Variants in PLD5 observed in about 807,000 individuals in gnomAD.
PLD5 encodes the protein inactive phospholipase D5.
In PLD5, 36 loss-of-function variants were observed where a neutral mutation model predicts 61.1. The ratio of observed to expected loss-of-function variants is 0.59; its 90% CI spans 0.45 to 0.78. The LOEUF (loss-of-function observed/expected upper bound fraction) is 0.78, where lower values mean the gene tolerates loss of function less well. Among genes scored for constraint, PLD5 ranks in the 30% least tolerant of loss-of-function variants. The pLI is 0.00. For missense variants in PLD5, 515 were observed against 644.4 expected, an observed-to-expected ratio of 0.80 and a Z score of 2.17; for synonymous variants, 243 against 242.8, an observed-to-expected ratio of 1.00 and a Z score of -0.01.
At chr1:242,447,042 A>G (rs1014946113) in intron 1 of PLD5, among the ~76,000 whole-genome samples, 1 of 152,222 alleles carries the variant, frequency 6.6e-6, no homozygotes, top group Non-Finnish European at 1.5e-5. Flanking sequence ...TTTAAAAGCA[A>G]GAATGGGGAT....
At chr1:242,123,932 A>C (rs1662581748) in intron 6 of PLD5, among the ~76,000 whole-genome samples, 1 of 152,194 alleles carries the variant, frequency 6.6e-6, no homozygotes, top group African/African-American at 2.4e-5. Context: ...TGCAAGGAGC[A>C]CTGTCCTGTT....
intron 1 of PLD5, among the ~76,000 whole-genome samples, chr1:242,506,585 C>G (rs1204850190): frequency 3.9e-5 from 6 of 152,172 alleles, no homozygotes; most frequent in Non-Finnish European, 7.3e-5. Context: ...AGAGGGGCAA[C>G]AGTGAGAAAG....
At chr1:242,295,397 A>G (rs1333493681) in intron 2 of PLD5, among the ~76,000 whole-genome samples, 3 of 152,126 alleles carry the variant, frequency 2.0e-5, no homozygotes, top group East Asian at 3.9e-4. Context: ...GCAGTATTCA[A>G]TTTTCTGTTT....
intron 3 of PLD5, among the ~76,000 whole-genome samples, chr1:242,269,195 A>T (rs1310973214): frequency 6.6e-6 from 1 of 152,172 alleles, no homozygotes; most frequent in Non-Finnish European, 1.5e-5. Flanking sequence ...GCTTTTAAAC[A>T]TCACCAATAT....
intron 1 of PLD5, among the ~76,000 whole-genome samples, chr1:242,386,884 G>T (rs1476805740): frequency 5.3e-5 from 8 of 152,172 alleles, no homozygotes; most frequent in Admixed American, 4.6e-4. Context: ...AGTAGAGGAA[G>T]CATCATGTTG....
rs568050835 is a variant in PLD5 at position 242,283,752 on chromosome 1, A to T, written c.495+4610T>A. Among the ~76,000 whole-genome samples the T allele has an allele frequency of 1.3e-4, 20 of 152,224 alleles. No individual in the cohort carries two copies. The South Asian group carries it at 2.7e-3, about 21-fold the overall frequency. On this transcript the variant is annotated intron_variant, in intron 3 of 9. Coordinates refer to ENST00000536534, the MANE Select transcript of PLD5 (RefSeq NM_001372062.1). Reference sequence around the variant, plus strand: ...AATGAGAGACTATCTGCCAATATTTATAGGGTCTTGGTAAAGATAAAAGGG... The same window carrying T: ...AATGAGAGACTATCTGCCAATATTTTTAGGGTCTTGGTAAAGATAAAAGGG...
At chr1:242,272,544 T>C (rs1277587483) in intron 3 of PLD5, among the ~76,000 whole-genome samples, 2 of 152,174 alleles carry the variant, frequency 1.3e-5, no homozygotes, top group Non-Finnish European at 1.5e-5. Flanking sequence ...TAGGCTTCAT[T>C]CTCAGCTCAC....
At chr1:242,193,786 G>A (rs1474034118) in intron 5 of PLD5, among the ~76,000 whole-genome samples, 1 of 152,222 alleles carries the variant, frequency 6.6e-6, no homozygotes, top group African/African-American at 2.4e-5. Context: ...GACCCCAGGA[G>A]TCATAATGGC....
At chr1:242,522,196 A>T (rs1669302061) in intron 1 of PLD5, among the ~76,000 whole-genome samples, 1 of 152,240 alleles carries the variant, frequency 6.6e-6, no homozygotes. Flanking sequence ...ACACTGATTT[A>T]AATATCAAAT....
intron 2 of PLD5, among the ~76,000 whole-genome samples, chr1:242,325,720 G>A (rs1658730767): frequency 6.6e-6 from 1 of 152,030 alleles, no homozygotes; most frequent in South Asian, 2.1e-4. Flanking sequence ...GACCTCGAGG[G>A]CTTTTTTTAC....
chr1:242,236,417 T>C (rs541128903), intron 4 of PLD5, among the ~76,000 whole-genome samples: 2 of 152,332 alleles, frequency 1.3e-5, no homozygotes, highest in African/African-American at 4.8e-5. Flanking sequence ...CACAAGTTTT[T>C]CATTTAGCCT....
chr1:242,474,766 C>T (rs569534234), intron 1 of PLD5, among the ~76,000 whole-genome samples: 4 of 152,190 alleles, frequency 2.6e-5, no homozygotes, highest in South Asian at 4.1e-4. Context: ...ATCACATAGG[C>T]GCCCCTGCAT....
chr1:242,394,361 T>C (rs1663242296), intron 1 of PLD5, among the ~76,000 whole-genome samples: 1 of 71,638 alleles, frequency 1.4e-5, no homozygotes, highest in Non-Finnish European at 2.9e-5. Context: ...TATATGTGTG[T>C]ATATATGAGT....
chr1:242,094,632 A>T (rs1660083967), intron 9 of PLD5, among the ~76,000 whole-genome samples: 1 of 152,318 alleles, frequency 6.6e-6, no homozygotes, highest in Non-Finnish European at 1.5e-5. Flanking sequence ...TTTTGCTAAA[A>T]TATTATGTGT....
intron 1 of PLD5, among the ~76,000 whole-genome samples, chr1:242,392,419 A>C (rs1335656928): frequency 6.6e-6 from 1 of 152,134 alleles, no homozygotes; most frequent in African/African-American, 2.4e-5. Flanking sequence ...TAAAAGTTAA[A>C]ATTATGGGGT....
chr1:242,499,709 G>A (rs151154679), intron 1 of PLD5, among the ~76,000 whole-genome samples: 128 of 152,266 alleles, frequency 8.4e-4, no homozygotes, highest in African/African-American at 2.9e-3. Context: ...CATAGCTGTC[G>A]AACAAACCAC....
At chr1:242,506,706 C>A (rs902280029) in intron 1 of PLD5, among the ~76,000 whole-genome samples, 28 of 152,144 alleles carry the variant, frequency 1.8e-4, no homozygotes, top group African/African-American at 6.5e-4. Context: ...CACAGAAAAA[C>A]CTCAAGTCGC....
chr1:242,142,527 C>T (rs1221663665), intron 5 of PLD5, among the ~76,000 whole-genome samples: 1 of 152,152 alleles, frequency 6.6e-6, no homozygotes, highest in Non-Finnish European at 1.5e-5. Flanking sequence ...AGCACATATA[C>T]TTTATATATT....
At chr1:242,181,019 CAAAA>C (rs552857399) in intron 5 of PLD5, among the ~76,000 whole-genome samples, 2 of 151,828 alleles carry the variant, frequency 1.3e-5, no homozygotes, top group Non-Finnish European at 2.9e-5. Context: ...CAAAAAAACA[CAAAA>C]AACCCCACAA....
Sources: gnomAD v4.1 joint callset for allele counts (sites outside exome capture counted in the v4.1 genomes callset) on GRCh38, gnomAD v4.1.1 for gene constraint, MANE v1.5 for transcripts, NCBI Gene and HGNC (gene_info 2026-07-23, HGNC 2026-07-21) for gene names.